SPRY3: variants seen among roughly 807,000 people sequenced by gnomAD.
SPRY3 encodes the protein sprouty RTK signaling antagonist 3.
Under a neutral mutation model 20.2 loss-of-function variants are expected in SPRY3, and 15 were observed. That is an observed-to-expected ratio of 0.74 (90% CI 0.50 to 1.14). The LOEUF is 1.14. Among genes scored for constraint, SPRY3 ranks in the 50% most tolerant of loss-of-function variants. SPRY3 has a pLI of 0.00. For missense variants in SPRY3, 364 were observed against 363.9 expected, an observed-to-expected ratio of 1.00 and a Z score of 0.00; for synonymous variants, 143 against 136.5, an observed-to-expected ratio of 1.05 and a Z score of -0.33.
intron 1 of SPRY3, among the ~76,000 whole-genome samples, chrX:155,614,180 T>A (rs915299453): frequency 4.5e-5 from 5 of 111,636 alleles, no homozygotes; most frequent in Admixed American, 3.8e-4. Context: ...AAGATCTGGG[T>A]GTAAAATGAT....
At chrX:155,712,420 C>T (rs2124543541) in intron 2 of SPRY3, among the ~76,000 whole-genome samples, 1 of 151,868 alleles carries the variant, frequency 6.6e-6, no homozygotes, top group African/African-American at 2.4e-5. Flanking sequence ...CTGAATTGGC[C>T]CCATAATCAT....
At chrX:155,743,059 T>G (rs1280359737) in intron 2 of SPRY3, among the ~76,000 whole-genome samples, 1 of 151,872 alleles carries the variant, frequency 6.6e-6, no homozygotes, top group Non-Finnish European at 1.5e-5. Flanking sequence ...ATTAATAAAA[T>G]AGACTGCTAG....
chrX:155,633,823 GA>G (rs1384138672), intron 1 of SPRY3, among the ~76,000 whole-genome samples: 2 of 112,078 alleles, frequency 1.8e-5, no homozygotes, highest in Non-Finnish European at 3.8e-5. Flanking sequence ...TCCATGAAAT[GA>G]GAGTTATTAT....
In SPRY3 at chrX:155,680,145, G is replaced by GCT. The variant is rs1457305757; in HGVS notation, c.-282+23120_-282+23121insCT. 1.4e-4 allele frequency among the ~76,000 whole-genome samples: 10 copies of GCT among 70,406 alleles called. No individual in the cohort carries two copies. The East Asian group carries it at 4.2e-3, about 30-fold the overall frequency. 61.1% of individuals were successfully genotyped at this position (70,406 alleles called of 115,157 possible). On this transcript the variant is annotated intron_variant, in intron 2 of 3. Coordinates refer to ENST00000675360, the Ensembl canonical transcript of SPRY3. ...GAAAGATAAGATTTTAAGCAATGCT[G>GCT]GTGTGTGTGTGTGTGTGTGTGTGTG...
rs1319221373 is a variant in SPRY3, at chrX:155,751,953, TAAAATAA to T, written c.-281-16006_-281-16000del. Among the ~76,000 whole-genome samples, 2 of 139,030 alleles carry T rather than the reference TAAAATAA, an allele frequency of 1.4e-5. 1 individual carries two copies. The highest frequency in any genetic ancestry group is 1.4e-4 in the Admixed American group (2 of 13,960). The allele number at this position is 139,030 out of a possible 152,430, so 91.2% of individuals were successfully genotyped here. A position where few individuals can be genotyped will look rare whatever the true frequency, so the allele number is the denominator to read the frequency against. On this transcript the variant is annotated intron_variant, in intron 2 of 3. Transcript: ENST00000675360. ...TAAAATAAAATAAAATAAAATAAAA[TAAAATAA>T]AATAAAATAAAATAAAATAAAATAA...
At chrX:155,693,619 T>C (rs1453363557) in intron 2 of SPRY3, among the ~76,000 whole-genome samples, 2 of 112,163 alleles carry the variant, frequency 1.8e-5, no homozygotes, top group Admixed American at 1.9e-4. Flanking sequence ...TATTTCTCTC[T>C]GTCAATTTTT....
chrX:155,671,153 G>A (rs782639682), intron 2 of SPRY3, among the ~76,000 whole-genome samples: 1 of 112,082 alleles, frequency 8.9e-6, no homozygotes, highest in East Asian at 2.8e-4. Flanking sequence ...TGAGTAAGTT[G>A]GGGGCTGGGG....
chrX:155,774,312 T>C (rs2091406401), exon 4 of SPRY3: 2 of 1,614,034 alleles, frequency 1.2e-6, no homozygotes, highest in Non-Finnish European at 1.7e-6. Context: ...TCTTCATCTG[T>C]GAGGAATGTG....
intron 2 of SPRY3, among the ~76,000 whole-genome samples, chrX:155,705,621 C>T (rs112437556): frequency 0.021 from 3,158 of 151,318 alleles, 52 homozygotes; most frequent in Non-Finnish European, 0.034. Context: ...ACAAGAAACT[C>T]ACTTTAACTG....
chrX:155,712,491 A>G (rs981025640), intron 2 of SPRY3, among the ~76,000 whole-genome samples: 4 of 151,970 alleles, frequency 2.6e-5, no homozygotes, highest in Admixed American at 2.6e-4. Flanking sequence ...TGTCTGATAT[A>G]TGTATAGCTA....
chrX:155,650,857 T>C lies in SPRY3; in HGVS notation c.-440-6010T>C, dbSNP rs1276861958. On this transcript the variant is annotated intron_variant, in intron 1 of 3. Transcript: ENST00000675360. ...CTATTTCTACCCAATGCAGCATTCTTCTACAGTCACTTAAGTACAGAATTC... is the reference window on the plus strand; with the variant it reads ...CTATTTCTACCCAATGCAGCATTCTCCTACAGTCACTTAAGTACAGAATTC... Among the ~76,000 whole-genome samples, 8 of 112,120 alleles carry C rather than the reference T, an allele frequency of 7.1e-5. 1 individual carries two copies. The Admixed American group carries it at 7.6e-4, about 11-fold the overall frequency.
intron 2 of SPRY3, among the ~76,000 whole-genome samples, chrX:155,710,183 T>C (rs1186669020): frequency 6.6e-6 from 1 of 151,848 alleles, no homozygotes; most frequent in Non-Finnish European, 1.5e-5. Flanking sequence ...AATTGCTTTT[T>C]TTTATTTCTG....
Position 155,756,973 on chromosome X carries a change from T to G in SPRY3, c.-281-10989T>G, listed in dbSNP as rs146159904. 8.7e-3 allele frequency among the ~76,000 whole-genome samples: 1,325 copies of G among 152,298 alleles called. 14 individuals carry two copies. Among genetic ancestry groups the G allele is most frequent in the African/African-American group, 0.03 (1,239 of 41,552 alleles). On this transcript the variant is annotated intron_variant, in intron 2 of 3. Transcript: ENST00000675360. ...CACTCTCTCATCTAGACAGTTGCGATAGCTCCCTAATTGTTTTCCTGCTTC... is the reference window on the plus strand; with the variant it reads ...CACTCTCTCATCTAGACAGTTGCGAGAGCTCCCTAATTGTTTTCCTGCTTC...
intron 2 of SPRY3, among the ~76,000 whole-genome samples, chrX:155,661,521 C>G (rs1255642534): frequency 9.0e-6 from 1 of 111,447 alleles, no homozygotes; most frequent in Non-Finnish European, 1.9e-5. Context: ...GAAGGTCATC[C>G]TGTAGTCTGT....
chrX:155,720,560 C>T (rs2091050802), intron 2 of SPRY3, among the ~76,000 whole-genome samples: 1 of 152,160 alleles, frequency 6.6e-6, no homozygotes, highest in Admixed American at 6.6e-5. Context: ...CACAGGGGTG[C>T]TTGTGTCATG....
At chrX:155,716,155 C>T (rs1412214296) in intron 2 of SPRY3, among the ~76,000 whole-genome samples, 1 of 152,046 alleles carries the variant, frequency 6.6e-6, no homozygotes, top group Non-Finnish European at 1.5e-5. Context: ...CTTTCTTGCC[C>T]CTGCTTTAAT....
At chrX:155,733,846 A>G (rs1412900520) in intron 2 of SPRY3, among the ~76,000 whole-genome samples, 2 of 152,094 alleles carry the variant, frequency 1.3e-5, no homozygotes, top group African/African-American at 4.8e-5. Flanking sequence ...CACTTTTGTT[A>G]TGGAAATGGC....
chrX:155,781,671 G>A (rs1316705501), downstream of SPRY3: 1 of 166,982 alleles, frequency 6.0e-6, no homozygotes, highest in Non-Finnish European at 1.5e-5. Flanking sequence ...CCTAGAGAGT[G>A]TATGAGAATC....
chrX:155,706,219 A>T (rs1329839942), intron 2 of SPRY3, among the ~76,000 whole-genome samples: 1 of 151,218 alleles, frequency 6.6e-6, no homozygotes. Flanking sequence ...ATCTGGAAAA[A>T]TTCCCAACTT....
Sources: allele counts gnomAD v4.1 joint callset (sites outside exome capture counted in the v4.1 genomes callset), GRCh38; gene constraint gnomAD v4.1.1; transcripts MANE v1.5; gene names NCBI Gene and HGNC (gene_info 2026-07-23, HGNC 2026-07-21).